The following PCBP3 variants were observed in gnomAD, a reference collection of about 807,000 sequenced individuals.
The protein encoded by PCBP3 is poly(rC)-binding protein 3.
A neutral mutation model predicts 52.7 loss-of-function variants in PCBP3; 25 were observed. The ratio of observed to expected loss-of-function variants is 0.47; its 90% CI spans 0.35 to 0.66. PCBP3 has a LOEUF of 0.66. PCBP3 is among the 30% of genes least tolerant of loss of function. The pLI is 0.01. For synonymous variants in PCBP3, 162 were observed against 183.0 expected, an observed-to-expected ratio of 0.89 and a Z score of 0.93; for missense variants, 391 against 490.3, an observed-to-expected ratio of 0.80 and a Z score of 1.91.
At chr21:45,819,318 G>A (rs550561073) in intron 4 of PCBP3, among the ~76,000 whole-genome samples, 2 of 152,312 alleles carry the variant, frequency 1.3e-5, no homozygotes, top group East Asian at 1.9e-4. Context: ...CAAAGCAGTC[G>A]GAGTCCCTGA....
At position 45,741,681 on chromosome 21, in the gene PCBP3, T is replaced by G. The variant is rs1301354114; in HGVS notation, c.-162+6252T>G. On this transcript the variant is annotated intron_variant, in intron 3 of 17. Transcript: ENST00000681687. The surrounding 1 kb of genome is among the most constrained non-coding windows in gnomAD (Gnocchi z 4.5). ...ATAGTTTTATTAAAAATAAAAAATT[T>G]TAAAGGTTATATGGCAAATATTATT... Among the ~76,000 whole-genome samples the G allele has an allele frequency of 1.3e-5, 2 of 152,132 alleles. No homozygotes were observed. Among genetic ancestry groups the G allele is most frequent in the East Asian group, 1.9e-4 (1 of 5,196 alleles).
chr21:45,681,994 A>G (rs560368507), intron 2 of PCBP3, among the ~76,000 whole-genome samples: 17 of 152,306 alleles, frequency 1.1e-4, no homozygotes, highest in Non-Finnish European at 2.2e-4. Context: ...TATGAAAAAA[A>G]TTGCTAAGAA....
intron 4 of PCBP3, among the ~76,000 whole-genome samples, chr21:45,765,935 A>C (rs150545054): frequency 2.0e-5 from 3 of 152,246 alleles, no homozygotes; most frequent in African/African-American, 7.2e-5. Flanking sequence ...CGCCTTCAGA[A>C]GTCTCCTGGA....
intron 2 of PCBP3, among the ~76,000 whole-genome samples, chr21:45,733,432 G>A (rs1385844183): frequency 3.3e-5 from 5 of 151,878 alleles, no homozygotes; most frequent in Admixed American, 6.6e-5. Context: ...GACTACAGGC[G>A]CCCGCCATCA....
intron 4 of PCBP3, chr21:45,828,801 C>T (rs536388878): frequency 2.0e-5 from 3 of 152,646 alleles, no homozygotes; most frequent in African/African-American, 4.8e-5. Context: ...CTCTCCGCCC[C>T]GCAGCCCGTC....
At chr21:45,793,223 A>G (rs561388586) in intron 4 of PCBP3, among the ~76,000 whole-genome samples, 1 of 152,312 alleles carries the variant, frequency 6.6e-6, no homozygotes, top group Non-Finnish European at 1.5e-5. Flanking sequence ...TAGACGGTCA[A>G]AGTGGCACAG....
At chr21:45,898,690 C>T (rs2095920951) in intron 6 of PCBP3, among the ~76,000 whole-genome samples, 1 of 64,016 alleles carries the variant, frequency 1.6e-5, no homozygotes, top group South Asian at 8.0e-4. Flanking sequence ...TCCACGGGCC[C>T]CTCTGCACGC....
intron 2 of PCBP3, among the ~76,000 whole-genome samples, chr21:45,731,394 G>A (rs1169518204): frequency 6.6e-6 from 1 of 152,168 alleles, no homozygotes; most frequent in Non-Finnish European, 1.5e-5. Flanking sequence ...GGCAGCACAG[G>A]CACAGTTGTC....
At chr21:45,897,455 G>T (rs1244406813) in intron 6 of PCBP3, among the ~76,000 whole-genome samples, 1 of 152,210 alleles carries the variant, frequency 6.6e-6, no homozygotes, top group African/African-American at 2.4e-5. Context: ...CCCGGGGTGT[G>T]CCTGTCAGCC....
intron 1 of PCBP3, among the ~76,000 whole-genome samples, chr21:45,665,871 A>T (rs1186141553): frequency 6.6e-6 from 1 of 152,212 alleles, no homozygotes; most frequent in Non-Finnish European, 1.5e-5. Context: ...AGAAATCCCC[A>T]ACAAAATACT....
At chr21:45,698,529 A>G (rs749146992) in intron 2 of PCBP3, among the ~76,000 whole-genome samples, 9 of 152,248 alleles carry the variant, frequency 5.9e-5, no homozygotes, top group Non-Finnish European at 1.0e-4. Flanking sequence ...GATGAAAGCA[A>G]GGACCAGCAT....
intron 2 of PCBP3, among the ~76,000 whole-genome samples, chr21:45,688,592 C>T (rs1475467802): frequency 6.6e-6 from 1 of 151,394 alleles, no homozygotes; most frequent in Admixed American, 6.6e-5. Context: ...AAAGTATATC[C>T]AAAATAAATA....
chr21:45,915,813 G>A (rs937544090), intron 12 of PCBP3: 4 of 152,334 alleles, frequency 2.6e-5, no homozygotes, highest in African/African-American at 9.6e-5. Context: ...ACCCAGGGGA[G>A]CTGCCGAAAT....
At chr21:45,897,359 C>T (rs1000552551) in intron 6 of PCBP3, among the ~76,000 whole-genome samples, 6 of 152,248 alleles carry the variant, frequency 3.9e-5, no homozygotes, top group South Asian at 2.1e-4. Context: ...ACTGTGCAGT[C>T]GGCACTTTCT....
intron 4 of PCBP3, among the ~76,000 whole-genome samples, chr21:45,803,237 A>T (rs1276608334): frequency 6.6e-6 from 1 of 152,164 alleles, no homozygotes; most frequent in Non-Finnish European, 1.5e-5. Context: ...TGGCCATGCA[A>T]GGGTATTGGT....
chr21:45,866,787 TCTCCC>T (rs1453220782), intron 5 of PCBP3, among the ~76,000 whole-genome samples: 1 of 151,714 alleles, frequency 6.6e-6, no homozygotes, highest in African/African-American at 2.4e-5. Flanking sequence ...TCCCCTCTCC[TCTCCC>T]CTCCCTTCCC....
At chr21:45,932,617 A>G (rs2076392511) in intron 15 of PCBP3, among the ~76,000 whole-genome samples, 1 of 151,916 alleles carries the variant, frequency 6.6e-6, no homozygotes, top group Admixed American at 6.5e-5. Flanking sequence ...ATGAATGAAC[A>G]CGTCGGCCGT....
intron 1 of PCBP3, among the ~76,000 whole-genome samples, chr21:45,662,924 G>A (rs991913534): frequency 4.6e-5 from 7 of 152,216 alleles, no homozygotes; most frequent in Non-Finnish European, 7.4e-5. Context: ...TTCCCTGGGG[G>A]AGTTTAGAAA....
At chr21:45,795,626 C>A (rs938092961) in intron 4 of PCBP3, among the ~76,000 whole-genome samples, 4 of 152,064 alleles carry the variant, frequency 2.6e-5, no homozygotes, top group Non-Finnish European at 5.9e-5. Context: ...AAGAAAATGT[C>A]AGAAAACCAG....
Sources: allele counts gnomAD v4.1 joint callset (sites outside exome capture counted in the v4.1 genomes callset), GRCh38; gene constraint gnomAD v4.1.1; non-coding constraint Gnocchi (gnomAD v3.1); transcripts MANE v1.5; gene names NCBI Gene and HGNC (gene_info 2026-07-23, HGNC 2026-07-21).